The following ZBTB16 variants were observed in gnomAD, a reference collection of about 807,000 sequenced individuals.
ZBTB16 encodes zinc finger and BTB domain containing 16, also known as zinc finger and BTB domain-containing protein 16.
A neutral mutation model predicts 56.8 loss-of-function variants in ZBTB16; 8 were observed. That is an observed-to-expected ratio of 0.14 (90% CI 0.08 to 0.25). ZBTB16 has a LOEUF of 0.25. ZBTB16 is among the 10% of genes least tolerant of loss of function. The pLI is 1.00. For synonymous variants in ZBTB16, 363 were observed against 368.5 expected, an observed-to-expected ratio of 0.98 and a Z score of 0.17; for missense variants, 625 against 903.0, an observed-to-expected ratio of 0.69 and a Z score of 3.95.
chr11:114,094,165 A>T (rs1940294202), intron 2 of ZBTB16, among the ~76,000 whole-genome samples: 1 of 152,056 alleles, frequency 6.6e-6, no homozygotes, highest in South Asian at 2.1e-4. Context: ...AATACAAAAA[A>T]TTAGCCAGGT....
At chr11:114,210,046 G>A in intron 4 of ZBTB16, 5 of 825,094 alleles carry the variant, frequency 6.1e-6, no homozygotes, top group Non-Finnish European at 7.3e-6. Flanking sequence ...GGGTCAAAAA[G>A]CCACTTGCCC....
rs1162897782 is a variant in ZBTB16 at position 114,060,951 on chromosome 11, G to A, written c.-91+1069G>A. ...GGCTTTTGTGCTTCCCCTTCGCCGC[G>A]GGGCGGGTCCGCCTCCCCTGCCGCT... On this transcript the variant is annotated intron_variant, in intron 1 of 6. Transcript: ENST00000335953. This position sits in a 1 kb window ranked among gnomAD's most constrained non-coding sequence, Gnocchi z 6.0. 6.6e-6 allele frequency among the ~76,000 whole-genome samples: 1 copy of A among 152,138 alleles called. No individual in the cohort carries two copies. Among genetic ancestry groups the A allele is most frequent in the Admixed American group, 6.5e-5 (1 of 15,286 alleles).
At chr11:114,205,237 G>A (rs598735) in intron 4 of ZBTB16, among the ~76,000 whole-genome samples, 6 of 152,060 alleles carry the variant, frequency 3.9e-5, no homozygotes, top group Admixed American at 2.0e-4. Flanking sequence ...GTGAAACCCC[G>A]TCTCTACTAA....
chr11:114,104,110 C>G (rs1325634794), intron 2 of ZBTB16, among the ~76,000 whole-genome samples: 2 of 152,282 alleles, frequency 1.3e-5, no homozygotes, highest in East Asian at 3.9e-4. Flanking sequence ...TCTGACAACA[C>G]AAGGATCTTT....
intron 4 of ZBTB16, among the ~76,000 whole-genome samples, chr11:114,217,942 T>C (rs1944143694): frequency 1.3e-5 from 2 of 152,276 alleles, no homozygotes; most frequent in South Asian, 2.1e-4. Context: ...TGCAGATAGA[T>C]GGGTCTCTCC....
At chr11:114,123,473 G>A (rs571299309) in intron 2 of ZBTB16, among the ~76,000 whole-genome samples, 1 of 152,240 alleles carries the variant, frequency 6.6e-6, no homozygotes, top group East Asian at 1.9e-4. Context: ...TATACGAGAT[G>A]TGTGCATATA....
chr11:114,218,194 C>T (rs1033218437), intron 4 of ZBTB16, among the ~76,000 whole-genome samples: 1 of 152,232 alleles, frequency 6.6e-6, no homozygotes, highest in Non-Finnish European at 1.5e-5. Flanking sequence ...GCTGCACGGA[C>T]CTTCCTGGAA....
At chr11:114,235,730 CTTTCT>C (rs556733788) in intron 4 of ZBTB16, among the ~76,000 whole-genome samples, 3,182 of 128,652 alleles carry the variant, frequency 0.025, 57 homozygotes, top group Non-Finnish European at 0.03. Flanking sequence ...TTCTTTCTTT[CTTTCT>C]TTTCTTTTCT....
At chr11:114,182,796 A>G (rs1399636733) in intron 3 of ZBTB16, among the ~76,000 whole-genome samples, 5 of 152,334 alleles carry the variant, frequency 3.3e-5, no homozygotes, top group African/African-American at 1.2e-4. Context: ...GTTTATACAC[A>G]CTTGAGTTGC....
chr11:114,131,350 C>T (rs1308867055), intron 2 of ZBTB16, among the ~76,000 whole-genome samples: 1 of 152,218 alleles, frequency 6.6e-6, no homozygotes. Flanking sequence ...CTGAGAAACC[C>T]TTTCAAAATT....
chr11:114,127,319 G>T (rs943434441), intron 2 of ZBTB16, among the ~76,000 whole-genome samples: 6 of 152,122 alleles, frequency 3.9e-5, no homozygotes, highest in Non-Finnish European at 8.8e-5. Flanking sequence ...ACGTGCATTG[G>T]ACTCCCATGG....
chr11:114,136,117 C>G (rs551497380), intron 2 of ZBTB16, among the ~76,000 whole-genome samples: 6 of 152,328 alleles, frequency 3.9e-5, no homozygotes, highest in Non-Finnish European at 7.3e-5. Context: ...GGAATGTTGC[C>G]TGGGGTGCTG....
rs922709189 is a variant in ZBTB16 at position 114,253,558 on chromosome 11, C to G, written c.*3003C>G. Among the ~76,000 whole-genome samples, 9 of 152,230 alleles carry G rather than the reference C, an allele frequency of 5.9e-5. No homozygotes were observed. The highest frequency in any genetic ancestry group is 1.2e-4 in the Non-Finnish European group (8 of 68,046). On this transcript the variant is annotated 3_prime_UTR_variant, in exon 7 of 7. Transcript: ENST00000335953. The stretch of plus-strand genomic sequence containing the variant: ...GCAATGGATGGTACTAAATCAGCAC[C>G]TGGATGCCCCACCCAACCCCGTGGG...
At chr11:114,120,917 A>G (rs141159246) in intron 2 of ZBTB16, among the ~76,000 whole-genome samples, 108 of 152,256 alleles carry the variant, frequency 7.1e-4, no homozygotes, top group Non-Finnish European at 1.3e-3. Context: ...TCTCCTGGGA[A>G]GCCATACAGC....
chr11:114,102,247 C>CT (rs1378301206), intron 2 of ZBTB16, among the ~76,000 whole-genome samples: 4 of 152,120 alleles, frequency 2.6e-5, no homozygotes, highest in Non-Finnish European at 5.9e-5. Flanking sequence ...TAACCAAATG[C>CT]TTTAGGAAGG....
Position 114,246,516 on chromosome 11 carries a change from G to A in ZBTB16, c.1625-682G>A, listed in dbSNP as rs1233503428. ...ATGTAGCCCATTTTAATGCGAAAGT[G>A]GCATAAAAATGATACCACACTAATA... On this transcript the variant is annotated intron_variant, in intron 5 of 6. Coordinates refer to ENST00000335953, the MANE Select transcript of ZBTB16 (RefSeq NM_006006.6). Among the ~76,000 whole-genome samples, 3 of 152,252 alleles carry A rather than the reference G, an allele frequency of 2.0e-5. No individual in the cohort carries two copies. In the East Asian group the frequency reaches 5.8e-4, roughly 29 times the overall value.
rs531337766 is a variant in ZBTB16, at chr11:114,095,092, AG to A, written c.1268+30526del. Among the ~76,000 whole-genome samples, 7 of 152,316 alleles carry A rather than the reference AG, an allele frequency of 4.6e-5. No homozygotes were observed. In the South Asian group the frequency reaches 1.5e-3, roughly 32 times the overall value. On this transcript the variant is annotated intron_variant, in intron 2 of 6. Coordinates refer to ENST00000335953, the MANE Select transcript of ZBTB16 (RefSeq NM_006006.6). ...TTAGCATGACTGTCTCTTGTGACCA[AG>A]GCCAAGAAAAATAGCACAAAGATGT...
At chr11:114,174,529 C>T (rs1034050758) in intron 3 of ZBTB16, among the ~76,000 whole-genome samples, 3 of 152,094 alleles carry the variant, frequency 2.0e-5, no homozygotes, top group African/African-American at 7.2e-5. Context: ...AAAAATACAA[C>T]AATTAGCCGG....
At chr11:114,204,471 G>T in intron 4 of ZBTB16, among the ~76,000 whole-genome samples, 1 of 152,118 alleles carries the variant, frequency 6.6e-6, no homozygotes, top group East Asian at 1.9e-4. Context: ...ATGGGGCTAT[G>T]ATATTCAGTG....
Sources: allele counts gnomAD v4.1 joint callset (sites outside exome capture counted in the v4.1 genomes callset), GRCh38; gene constraint gnomAD v4.1.1; non-coding constraint Gnocchi (gnomAD v3.1); transcripts MANE v1.5; gene names NCBI Gene and HGNC (gene_info 2026-07-23, HGNC 2026-07-21).